The following SORT1 variants were observed in gnomAD, a reference collection of about 807,000 sequenced individuals.
The protein encoded by SORT1 is sortilin 1, also known as sortilin.
Under a neutral mutation model 101.7 loss-of-function variants are expected in SORT1, and 39 were observed. The observed-to-expected ratio is 0.38, with a 90% CI of 0.30 to 0.50. The LOEUF is 0.50. Ranked by LOEUF, SORT1 falls within the 20% of genes least tolerant of loss-of-function variation. SORT1 has a pLI of 0.90. For missense variants in SORT1, 878 were observed against 1,040.4 expected (o/e 0.84, Z 2.15); for synonymous variants, 396 against 393.7 (o/e 1.01, Z -0.07).
At chr1:109,317,004 C>G (rs764349538) in intron 16 of SORT1, 46 bp from the exon 17 acceptor site, 3 of 1,178,960 alleles carry the variant, frequency 2.5e-6, no homozygotes, top group Non-Finnish European at 3.7e-6. Flanking sequence ...GGATGTATTC[C>G]TGGGTACCTG....
At position 109,313,939 on chromosome 1, in the gene SORT1, G is replaced by T. The variant is rs72646594; in HGVS notation, c.*104C>A. The T allele has an allele frequency of 1.7e-3, 1,887 of 1,125,196 alleles. 20 individuals carry two copies. In the African/African-American group the frequency reaches 0.022, roughly 13 times the overall value. The allele number at this position is 1,125,196 out of a possible 1,614,324, so 69.7% of individuals were successfully genotyped here. On this transcript the variant is annotated 3_prime_UTR_variant, in exon 20 of 20. Coordinates refer to ENST00000256637, the MANE Select transcript of SORT1 (RefSeq NM_002959.7). ...TGATGGAAGCAGCAGAAACAGAGCT[G>T]GGTCCCTCGCAATGGGAAATTTATT...
chr1:109,395,131 T>C (rs1571000641), intron 1 of SORT1, among the ~76,000 whole-genome samples: 1 of 139,258 alleles, frequency 7.2e-6, no homozygotes, highest in African/African-American at 2.6e-5. Context: ...AAGGCTCCAC[T>C]TTTTTTTTTT....
At chr1:109,323,842 C>T (rs1265446631) in intron 14 of SORT1, among the ~76,000 whole-genome samples, 1 of 152,164 alleles carries the variant, frequency 6.6e-6, no homozygotes, top group Non-Finnish European at 1.5e-5. Flanking sequence ...CTGGGAGCTG[C>T]CTGCTGAGGG....
At chr1:109,387,933 G>C (rs1652676360) in intron 1 of SORT1, among the ~76,000 whole-genome samples, 1 of 152,032 alleles carries the variant, frequency 6.6e-6, no homozygotes, top group Non-Finnish European at 1.5e-5. Flanking sequence ...CTGGGCAACA[G>C]AGCGAGACCC....
rs527979169 is a variant in SORT1 at position 109,376,280 on chromosome 1, G to A, written c.307-6691C>T. 2.2e-4 allele frequency among the ~76,000 whole-genome samples: 33 copies of A among 148,882 alleles called. 1 individual carries two copies. The South Asian group carries it at 6.1e-3, about 28-fold the overall frequency. ...CGGGAGGCGGAGCTTGCAGTGAGCC[G>A]TGATCGCGCCACCGCATTCCAGCCT... On this transcript the variant is annotated intron_variant, in intron 1 of 19. Transcript: ENST00000256637.
At chr1:109,383,486 A>C (rs1652385752) in intron 1 of SORT1, among the ~76,000 whole-genome samples, 1 of 152,252 alleles carries the variant, frequency 6.6e-6, no homozygotes, top group Non-Finnish European at 1.5e-5. Context: ...ATAAAACTAC[A>C]AAAGAACGTT....
Position 109,350,949 on chromosome 1 carries a change from T to C in SORT1, c.762A>G (p.Lys254=). ...NFGGKWEEIH[K]AVCLAKWGSD... ...CTCACCATTTGGCCAAACATACTGC[T>C]TTGTGGATTTCTTCCCATTTTCCCC... The change falls in exon 6 of 20, where the codon AAA becomes AAG. Residue 254 remains lysine (K), a synonymous_variant. Coordinates refer to ENST00000256637, the MANE Select transcript of SORT1 (RefSeq NM_002959.7). 1 of 1,612,742 alleles carries C rather than the reference T, an allele frequency of 6.2e-7. No homozygotes were observed. The highest frequency in any genetic ancestry group is 8.5e-7 in the Non-Finnish European group (1 of 1,178,686).
chr1:109,370,528 A>G (rs1241130611), intron 1 of SORT1, among the ~76,000 whole-genome samples: 1 of 152,360 alleles, frequency 6.6e-6, no homozygotes, highest in East Asian at 1.9e-4. Flanking sequence ...TAGAAATTAC[A>G]TACTATATAG....
chr1:109,316,436 T>C (rs1382469871), intron 17 of SORT1, among the ~76,000 whole-genome samples: 3 of 152,190 alleles, frequency 2.0e-5, no homozygotes, highest in Admixed American at 6.5e-5. Context: ...TTTCACCATG[T>C]TGGACAGCCT....
intron 1 of SORT1, among the ~76,000 whole-genome samples, chr1:109,373,169 G>T (rs1280683805): frequency 3.3e-5 from 5 of 152,186 alleles, no homozygotes; most frequent in Non-Finnish European, 7.4e-5. Context: ...ACAAGGAACT[G>T]AACAAGGAGG....
intron 8 of SORT1, among the ~76,000 whole-genome samples, chr1:109,343,589 A>T (rs1469365289): frequency 6.6e-6 from 1 of 152,184 alleles, no homozygotes; most frequent in African/African-American, 2.4e-5. Flanking sequence ...CATATACCCA[A>T]ATGCTCACTT....
chr1:109,378,779 G>C (rs1245448792), intron 1 of SORT1, among the ~76,000 whole-genome samples: 2 of 113,786 alleles, frequency 1.8e-5, no homozygotes, highest in Non-Finnish European at 3.4e-5. Context: ...TTATGTGTTA[G>C]TTGTATAAAT....
intron 1 of SORT1, among the ~76,000 whole-genome samples, chr1:109,375,935 T>TCACACA (rs141576944): frequency 6.6e-6 from 1 of 151,420 alleles, no homozygotes; most frequent in Non-Finnish European, 1.5e-5. Flanking sequence ...TACTAAAACA[T>TCACACA]CACACACACA....
intron 1 of SORT1, chr1:109,393,290 G>A: frequency 1.0e-6 from 1 of 985,158 alleles, no homozygotes; most frequent in Non-Finnish European, 1.2e-6. Context: ...TACAGAAGTA[G>A]TTAGTGACAG....
Position 109,397,767 on chromosome 1 carries a change from C to T in SORT1, c.126G>A (p.Pro42=). ...ACCAGCGCGGCAGCGGCGCAGCGGG[C>T]GGCGGCGGCGCGTCCAGCCGGTCCT... ...LSQDRLDAPP[P]PAAPLPRWSG... Residue 42 remains proline, a synonymous_variant, in exon 1 of 20, where the codon CCG becomes CCA. Transcript: ENST00000256637. The T allele has an allele frequency of 1.7e-6, 2 of 1,205,366 alleles. No homozygotes were observed. Among genetic ancestry groups the T allele is most frequent in the Non-Finnish European group, 2.1e-6 (2 of 969,756 alleles). The allele number at this position is 1,205,366 out of a possible 1,614,324, so 74.7% of individuals were successfully genotyped here. A position where few individuals can be genotyped will look rare whatever the true frequency, so the allele number is the denominator to read the frequency against.
At chr1:109,371,695 G>A (rs1354235074) in intron 1 of SORT1, among the ~76,000 whole-genome samples, 1 of 152,148 alleles carries the variant, frequency 6.6e-6, no homozygotes, top group African/African-American at 2.4e-5. Context: ...CGTGTCACCG[G>A]CAACTCTCAG....
chr1:109,365,489 A>G (rs1478421107), intron 3 of SORT1, among the ~76,000 whole-genome samples: 3 of 152,170 alleles, frequency 2.0e-5, no homozygotes, highest in Non-Finnish European at 2.9e-5. Context: ...TCTCTCCCCA[A>G]ATAGGATGTT....
chr1:109,375,119 A>C (rs1295894055), intron 1 of SORT1, among the ~76,000 whole-genome samples: 1 of 152,248 alleles, frequency 6.6e-6, no homozygotes, highest in Non-Finnish European at 1.5e-5. Context: ...TCAATTCAGA[A>C]GATGTTCTAC....
At chr1:109,319,162 T>C (rs1046859131) in intron 15 of SORT1, among the ~76,000 whole-genome samples, 1 of 152,194 alleles carries the variant, frequency 6.6e-6, no homozygotes, top group Non-Finnish European at 1.5e-5. Context: ...CCCACTTCTG[T>C]TCCTCTTAGC....
Sources: allele counts gnomAD v4.1 joint callset (sites outside exome capture counted in the v4.1 genomes callset), GRCh38; gene constraint gnomAD v4.1.1; transcripts MANE v1.5; gene names NCBI Gene and HGNC (gene_info 2026-07-23, HGNC 2026-07-21).